Variants in WHRN observed in about 807,000 individuals in gnomAD.
The protein encoded by WHRN is CASK-interacting protein CIP98.
A neutral mutation model predicts 68.3 loss-of-function variants in WHRN; 41 were observed. The ratio of observed to expected loss-of-function variants is 0.60; its 90% CI spans 0.47 to 0.78. WHRN has a LOEUF of 0.78. WHRN is among the 30% of genes least tolerant of loss of function. The probability of loss-of-function intolerance (pLI) is 0.00; values close to 1 mark genes in which losing one functional copy is unlikely to be tolerated. For synonymous variants in WHRN, 560 were observed against 561.3 expected, an observed-to-expected ratio of 1.00 and a Z score of 0.03; for missense variants, 1,243 against 1,244.7, an observed-to-expected ratio of 1.00 and a Z score of 0.02.
intron 1 of WHRN, among the ~76,000 whole-genome samples, chr9:114,492,466 T>C (rs1429395818): frequency 2.0e-5 from 3 of 152,214 alleles, no homozygotes; most frequent in African/African-American, 7.2e-5. Context: ...GAAACATTTA[T>C]CAAGGTGGGA....
At position 114,408,031 on chromosome 9, in the gene WHRN, G is replaced by C; in HGVS notation, c.1627-13C>G. ...GGTCCAGAGTGTTCTAGAAATGGAC[G>C]AGAAAGCAAAGTGAGCAAACAGAAG... On this transcript the variant is annotated splice_polypyrimidine_tract_variant and intron_variant, in intron 7 of 11. Transcript: ENST00000362057. 6.3e-7 allele frequency: 1 copy of C among 1,588,176 alleles called. No individual in the cohort carries two copies. Among genetic ancestry groups the C allele is most frequent in the Non-Finnish European group, 8.6e-7 (1 of 1,165,078 alleles).
At chr9:114,456,543 A>T (rs562745286) in intron 3 of WHRN, among the ~76,000 whole-genome samples, 34 of 152,174 alleles carry the variant, frequency 2.2e-4, no homozygotes, top group Non-Finnish European at 4.4e-4. Flanking sequence ...TATATGGGTT[A>T]GGGGCCAGGT....
intron 3 of WHRN, among the ~76,000 whole-genome samples, chr9:114,438,117 C>T (rs1214333273): frequency 6.6e-6 from 1 of 152,022 alleles, no homozygotes; most frequent in Non-Finnish European, 1.5e-5. Flanking sequence ...TGCCTGTAGT[C>T]CCAGTTACCT....
chr9:114,440,696 T>C (rs1838298849), intron 3 of WHRN, among the ~76,000 whole-genome samples: 1 of 152,230 alleles, frequency 6.6e-6, no homozygotes, highest in South Asian at 2.1e-4. Context: ...AGTACTGTAA[T>C]AATTTCAAAG....
At chr9:114,442,868 C>A (rs959828313) in intron 3 of WHRN, among the ~76,000 whole-genome samples, 1 of 152,066 alleles carries the variant, frequency 6.6e-6, no homozygotes, top group Non-Finnish European at 1.5e-5. Flanking sequence ...TTTAGAGCAA[C>A]GCAAAACGCA....
At chr9:114,419,150 A>G (rs7849013) in intron 7 of WHRN, among the ~76,000 whole-genome samples, 32,106 of 152,066 alleles carry the variant, frequency 0.21, 3,875 homozygotes, top group East Asian at 0.36. Flanking sequence ...GAGTCAAGCA[A>G]GCCTGGGTTT....
In WHRN at chr9:114,406,872, G is replaced by C; in HGVS notation, c.1719C>G (p.Ser573=). ...DVSVDDVRST[S]QGLSSFKPLP... ...GTGGCTTGAAGCTTGACAGCCCCTG[G>C]GAGGTGGATCTGACATCATCCTGCC... The change falls in exon 9 of 12, where the codon TCC becomes TCG. Residue 573 remains serine (S), a synonymous_variant. Coordinates refer to ENST00000362057, the MANE Select transcript of WHRN (RefSeq NM_015404.4). The C allele has an allele frequency of 6.3e-7, 1 of 1,583,404 alleles. No individual in the cohort carries two copies. Among genetic ancestry groups the C allele is most frequent in the Non-Finnish European group, 8.6e-7 (1 of 1,164,976 alleles).
Position 114,402,875 on chromosome 9 carries a change from T to C in WHRN, c.2603A>G (p.Asn868Ser). The C allele has an allele frequency of 1.2e-6, 2 of 1,614,024 alleles. No homozygotes were observed. The highest frequency in any genetic ancestry group is 2.7e-5 in the African/African-American group (2 of 75,052). Residue 868 changes from asparagine to serine, a missense_variant, in exon 12 of 12, where the codon AAT becomes AGT. Physicochemically the swap from Asn to Ser is conservative, Grantham distance 46. Coordinates refer to ENST00000362057, the MANE Select transcript of WHRN (RefSeq NM_015404.4). ...LKVGHVILEVNGLTLRGKEHR... is the reference protein window; with the variant it reads ...LKVGHVILEVSGLTLRGKEHR... Reference sequence around the variant, plus strand: ...CTCCTTGCCCCGAAGCGTCAGCCCATTCACTTCCAGAATCACGTGGCCCAC... The same window carrying C: ...CTCCTTGCCCCGAAGCGTCAGCCCACTCACTTCCAGAATCACGTGGCCCAC...
chr9:114,473,550 T>TA, intron 2 of WHRN, among the ~76,000 whole-genome samples: 1 of 152,196 alleles, frequency 6.6e-6, no homozygotes, highest in Non-Finnish European at 1.5e-5. Context: ...ACACTATCTG[T>TA]AAGTATTTTA....
chr9:114,424,647 G>T, intron 5 of WHRN, 101 bp from the exon 6 acceptor site: 1 of 1,278,466 alleles, frequency 7.8e-7, no homozygotes, highest in Non-Finnish European at 1.1e-6. Context: ...TAAGTGTGGT[G>T]TTTCATCTGT....
chr9:114,403,881 C>T lies in WHRN; in HGVS notation c.2418+15G>A, dbSNP rs1204897259. ...GTTCCTCTCAGCCCTCTGCATCCTC[C>T]TCCTCCTGGCTCACCGGTTTGTTGG... On this transcript the variant is annotated intron_variant, in intron 10 of 11. Transcript: ENST00000362057. 6.2e-7 allele frequency: 1 copy of T among 1,609,748 alleles called. No individual in the cohort carries two copies. Among genetic ancestry groups the T allele is most frequent in the Non-Finnish European group, 8.5e-7 (1 of 1,180,012 alleles).
At chr9:114,456,123 TAAA>T (rs72171841) in intron 3 of WHRN, among the ~76,000 whole-genome samples, 13 of 145,804 alleles carry the variant, frequency 8.9e-5, no homozygotes, top group Non-Finnish European at 1.2e-4. Context: ...TGAGAATGTG[TAAA>T]AAAAAAAACT....
At chr9:114,467,049 A>T (rs1840769167) in intron 2 of WHRN, among the ~76,000 whole-genome samples, 1 of 143,242 alleles carries the variant, frequency 7.0e-6, no homozygotes, top group South Asian at 2.2e-4. Flanking sequence ...CACCCCAGGG[A>T]TCTCTTATCA....
At position 114,471,543 on chromosome 9, in the gene WHRN, C is replaced by T. The variant is rs574317575; in HGVS notation, c.838-5151G>A. Among the ~76,000 whole-genome samples, 53 of 152,328 alleles carry T rather than the reference C, an allele frequency of 3.5e-4. 1 individual carries two copies. The South Asian group carries it at 6.8e-3, about 20-fold the overall frequency. ...CCTTGGGAAAAGCCCTGTTGCTTCT[C>T]GGATCTTCAGTTGCCCAGTCTATAA... On this transcript the variant is annotated intron_variant, in intron 2 of 11. Transcript: ENST00000362057.
chr9:114,498,288 G>A (rs1359984064), intron 1 of WHRN, among the ~76,000 whole-genome samples: 3 of 152,192 alleles, frequency 2.0e-5, no homozygotes, highest in East Asian at 3.9e-4. Context: ...CCTTTTAGCA[G>A]TGACAAATGG....
chr9:114,448,173 G>A (rs1839000953), intron 3 of WHRN, among the ~76,000 whole-genome samples: 1 of 152,140 alleles, frequency 6.6e-6, no homozygotes, highest in Admixed American at 6.5e-5. Context: ...GATCATCTTG[G>A]ATTTAGGGAG....
chr9:114,451,559 G>A (rs1323353836), intron 3 of WHRN, among the ~76,000 whole-genome samples: 1 of 151,736 alleles, frequency 6.6e-6, no homozygotes, highest in Non-Finnish European at 1.5e-5. Flanking sequence ...GCGCATGAAC[G>A]CACACACCAC....
Position 114,424,453 on chromosome 9 carries a change from G to GCT in WHRN, c.1296_1297insAG (p.Leu433SerfsTer3). 6.2e-7 allele frequency: 1 copy of GCT among 1,613,840 alleles called. No homozygotes were observed. The highest frequency in any genetic ancestry group is 8.5e-7 in the Non-Finnish European group (1 of 1,180,000). On this transcript the variant is annotated frameshift_variant, in exon 6 of 12. Coordinates refer to ENST00000362057, the MANE Select transcript of WHRN (RefSeq NM_015404.4). LOFTEE classifies it high-confidence loss of function. ...GTGGCGTGTTCCTGCTCGTTCAGCA[G>GCT]GTGCCGAGCCTGCTCCTCCAGCAGC...
intron 3 of WHRN, among the ~76,000 whole-genome samples, chr9:114,459,004 C>A (rs2132840807): frequency 6.6e-6 from 1 of 152,306 alleles, no homozygotes; most frequent in Non-Finnish European, 1.5e-5. Context: ...TGCCCAAGGT[C>A]ACACAACAAG....
Sources: gnomAD v4.1 joint callset for allele counts (sites outside exome capture counted in the v4.1 genomes callset) on GRCh38, gnomAD v4.1.1 for gene constraint, MANE v1.5 for transcripts, NCBI Gene and HGNC (gene_info 2026-07-23, HGNC 2026-07-21) for gene names.